WSB2: variants seen among roughly 807,000 people sequenced by gnomAD.
WSB2 encodes WD repeat and SOCS box-containing protein 2.
WSB2 carries 12 observed loss-of-function variants against 48.8 expected under a neutral mutation model. The observed-to-expected ratio is 0.25, with a 90% CI of 0.16 to 0.40. WSB2 has a LOEUF of 0.40. Ranked by LOEUF, WSB2 falls within the 10% of genes least tolerant of loss-of-function variation. WSB2 has a pLI of 1.00. For synonymous variants in WSB2, 191 were observed against 203.1 expected, an observed-to-expected ratio of 0.94 and a Z score of 0.51; for missense variants, 317 against 506.2, an observed-to-expected ratio of 0.63 and a Z score of 3.59.
chr12:118,035,130 C>G, intron 7 of WSB2, 37 bp from the exon 8 acceptor site: 1 of 1,613,196 alleles, frequency 6.2e-7, no homozygotes, highest in Non-Finnish European at 8.5e-7. Context: ...TATTAGCTGA[C>G]CCAGGGCCAG....
rs2032032809 is a variant in WSB2, at chr12:118,060,056, G to A, written c.13+980C>T. Among the ~76,000 whole-genome samples the A allele has an allele frequency of 6.6e-6, 1 of 152,126 alleles. No individual in the cohort carries two copies. The highest frequency in any genetic ancestry group is 1.5e-5 in the Non-Finnish European group (1 of 68,030). ...GAGCCCTAGGCCTTGAACCTGCTCT[G>A]AAAATTTCTCCTAAGGAAATTACAT... On this transcript the variant is annotated intron_variant, in intron 1 of 8. Transcript: ENST00000315436. This position sits in a 1 kb window ranked among gnomAD's most constrained non-coding sequence, Gnocchi z 4.1.
chr12:118,037,109 T>G (rs1481416074), intron 5 of WSB2, among the ~76,000 whole-genome samples: 2 of 151,608 alleles, frequency 1.3e-5, no homozygotes, highest in Non-Finnish European at 2.9e-5. Context: ...TTGAGCCTGG[T>G]AGGTGGAGGT....
intron 1 of WSB2, among the ~76,000 whole-genome samples, chr12:118,058,986 C>G (rs890181140): frequency 6.6e-5 from 10 of 152,022 alleles, no homozygotes; most frequent in African/African-American, 2.4e-4. Flanking sequence ...GTGAGCCACC[C>G]CGGCGCATTT....
In WSB2 at chr12:118,052,383, C is replaced by T; in HGVS notation, c.109G>A (p.Asp37Asn). The T allele has an allele frequency of 6.2e-7, 1 of 1,614,212 alleles. No individual in the cohort carries two copies. The highest frequency in any genetic ancestry group is 8.5e-7 in the Non-Finnish European group (1 of 1,180,040). The change falls in exon 2 of 9, where the codon GAT becomes AAT. Residue 37 changes from aspartate (D) to asparagine (N), a missense_variant. Coordinates refer to ENST00000315436, the MANE Select transcript of WSB2 (RefSeq NM_018639.5). ...CETWSVAFSPDGSWFAWSQGH... is the reference protein window; with the variant it reads ...CETWSVAFSPNGSWFAWSQGH... ...TGAGACCAAGCAAACCAGGAGCCATCTGGGGAGAAGGCGACGCTCCAGGTT... is the reference window on the plus strand; with the variant it reads ...TGAGACCAAGCAAACCAGGAGCCATTTGGGGAGAAGGCGACGCTCCAGGTT...
rs1037770541 is a variant in WSB2, at chr12:118,035,321, G to A, written c.837C>T (p.His279=). Residue 279 remains histidine (H), a synonymous_variant, in exon 7 of 9, where the codon CAC becomes CAT. Transcript: ENST00000315436. ...YTGERLRSLH[H]TQVDPAMDDS... ...CATCCATGGCGGGGTCAACCTGGGT[G>A]TGGCTGGGAAGGAAAGAAACAGGAT... 2.5e-6 allele frequency: 4 copies of A among 1,613,926 alleles called. No individual in the cohort carries two copies. The highest frequency in any genetic ancestry group is 1.7e-5 in the Admixed American group (1 of 59,998).
At chr12:118,062,041 G>C (rs867851775), upstream of WSB2, 18 of 1,497,998 alleles carry the variant, frequency 1.2e-5, no homozygotes, top group Middle Eastern at 3.4e-4. Flanking sequence ...AGTGGGGGTG[G>C]GAACGAGATA....
At chr12:118,038,484 T>TA in intron 4 of WSB2, 96 bp from the exon 5 acceptor site, 1 of 1,127,800 alleles carries the variant, frequency 8.9e-7, no homozygotes. Context: ...CCCAGCCCAG[T>TA]ATACCCATCA....
chr12:118,039,645 A>C (rs1378517047), intron 4 of WSB2, among the ~76,000 whole-genome samples: 2 of 152,224 alleles, frequency 1.3e-5, no homozygotes, highest in African/African-American at 4.8e-5. Context: ...GCAAGAAAGA[A>C]GAAAAAATAA....
chr12:118,041,329 G>C (rs527817477), intron 4 of WSB2, among the ~76,000 whole-genome samples: 2 of 152,286 alleles, frequency 1.3e-5, no homozygotes, highest in Admixed American at 1.3e-4. Flanking sequence ...GATGCAGAGA[G>C]AAGGTGGCTG....
chr12:118,046,877 T>C (rs2031757233), intron 2 of WSB2, among the ~76,000 whole-genome samples: 1 of 152,172 alleles, frequency 6.6e-6, no homozygotes, highest in Non-Finnish European at 1.5e-5. Flanking sequence ...GCTCGAGCAG[T>C]CCTTCCATCT....
intron 2 of WSB2, among the ~76,000 whole-genome samples, chr12:118,047,620 G>A (rs1453670583): frequency 6.6e-6 from 1 of 152,152 alleles, no homozygotes; most frequent in Non-Finnish European, 1.5e-5. Flanking sequence ...AGCTGAGGTG[G>A]GAGGATCACT....
intron 2 of WSB2, among the ~76,000 whole-genome samples, chr12:118,044,008 ACTT>A (rs879298222): frequency 1.3e-4 from 20 of 150,842 alleles, no homozygotes; most frequent in South Asian, 1.0e-3. Flanking sequence ...AACCCCAGCT[ACTT>A]AGGAGGCTGA....
At chr12:118,042,236 G>A (rs568155122) in intron 4 of WSB2, among the ~76,000 whole-genome samples, 2 of 152,306 alleles carry the variant, frequency 1.3e-5, no homozygotes, top group African/African-American at 4.8e-5. Context: ...CTAACAGGAA[G>A]CACCCAACAG....
At position 118,034,010 on chromosome 12, in the gene WSB2, C is replaced by T. The variant is rs1593460155; in HGVS notation, c.*186G>A. ...GTGGAATCTCTTCCTCTAAGACTGA[C>T]TTTCACATGCCAGGGAGAGAAAGAT... is the stretch of plus-strand genomic sequence containing the variant. On this transcript the variant is annotated 3_prime_UTR_variant, in exon 9 of 9. Coordinates refer to ENST00000315436, the MANE Select transcript of WSB2 (RefSeq NM_018639.5). 2.2e-5 allele frequency: 17 copies of T among 770,780 alleles called. No homozygotes were observed. In the East Asian group the frequency reaches 4.6e-4, roughly 21 times the overall value. 47.7% of individuals were successfully genotyped at this position (770,780 alleles called of 1,614,324 possible).
Position 118,034,204 on chromosome 12 carries a change from T to C in WSB2, c.1207A>G (p.Thr403Ala). 1.2e-6 allele frequency: 2 copies of C among 1,614,188 alleles called. No homozygotes were observed. Among genetic ancestry groups the C allele is most frequent in the Non-Finnish European group, 1.7e-6 (2 of 1,180,026 alleles). The change falls in exon 9 of 9, where the codon ACT becomes GCT. Residue 403 changes from threonine (T) to alanine (A), a missense_variant. By Grantham distance (58) the Thr-to-Ala change is moderately conservative. This residue lies in a region of WSB2 where 189 missense variants were observed against 349.6 expected (regional missense o/e 0.54). Transcript: ENST00000315436. ...ACAAGATGTGGTGTTGCTTAAAAAG[T>C]CCTGTATGTGAGGAACTCTTTCATT... ...KKMKEFLTYRTF is the reference protein window; with the variant it reads ...KKMKEFLTYRAF
chr12:118,038,264 A>G, intron 5 of WSB2, 24 bp downstream of exon 5: 1 of 1,603,120 alleles, frequency 6.2e-7, no homozygotes, highest in Non-Finnish European at 8.5e-7. Context: ...TCAGTGAATT[A>G]AAGCAATAAC....
Position 118,034,252 on chromosome 12 carries a change from G to A in WSB2, c.1159C>T (p.Leu387=), listed in dbSNP as rs775233620. The change falls in exon 9 of 9, where the codon CTA becomes TTA. Residue 387 remains leucine (L), a synonymous_variant. Transcript: ENST00000315436. ...ATTTTCTTGGGGATTGGCAGTGCTAGGACTTGGTAAGTTGTTAGGAAACTT... is the reference window on the plus strand; with the variant it reads ...ATTTTCTTGGGGATTGGCAGTGCTAAGACTTGGTAAGTTGTTAGGAAACTT... ...LRSFLTTYQV[L]ALPIPKKMKE... is the part of the protein sequence containing the mutation. The A allele has an allele frequency of 6.2e-7, 1 of 1,614,212 alleles. No homozygotes were observed. Among genetic ancestry groups the A allele is most frequent in the Non-Finnish European group, 8.5e-7 (1 of 1,180,038 alleles).
In WSB2 at chr12:118,042,944, G is replaced by T. The variant is rs2031668012; in HGVS notation, c.456C>A (p.His152Gln). ...TGLLLLNLSG[H>Q]QDVVRDLSFT... ...AGCTCAGATCTCTCACGACATCTTG[G>T]TGGCCGGAAAGATTCAAAAGCAGGA... Residue 152 changes from histidine (H) to glutamine (Q), a missense_variant, in exon 4 of 9, where the codon CAC (histidine) becomes CAA (glutamine). By Grantham distance (24) the His-to-Gln change is conservative. Transcript: ENST00000315436. 6.2e-7 allele frequency: 1 copy of T among 1,614,210 alleles called. No individual in the cohort carries two copies.
rs557897111 is a variant in WSB2 at position 118,045,331 on chromosome 12, C to CTCCA, written c.183-1958_183-1955dup. On this transcript the variant is annotated intron_variant, in intron 2 of 8. Transcript: ENST00000315436. ...AGTGAGCTGAGATCGCACCACTGCA[C>CTCCA]TCCAGCCTGGGCAACAGAGCAAGAC... is the stretch of plus-strand genomic sequence containing the variant. 1.7e-3 allele frequency among the ~76,000 whole-genome samples: 255 copies of CTCCA among 150,152 alleles called. 1 individual carries two copies. The highest frequency in any genetic ancestry group is 6.0e-3 in the African/African-American group (241 of 40,504).
Sources: gnomAD v4.1 joint callset for allele counts (sites outside exome capture counted in the v4.1 genomes callset) on GRCh38, gnomAD v4.1.1 for gene constraint, gnomAD v4.1.1 regional missense constraint, Gnocchi (gnomAD v3.1) non-coding constraint, MANE v1.5 for transcripts, NCBI Gene and HGNC (gene_info 2026-07-23, HGNC 2026-07-21) for gene names.